SNRPN: variants seen among roughly 807,000 people sequenced by gnomAD.
SNRPN encodes the protein small nuclear ribonucleoprotein-associated protein N.
Under a neutral mutation model 25.2 loss-of-function variants are expected in SNRPN, and 7 were observed. The ratio of observed to expected loss-of-function variants is 0.28; its 90% CI spans 0.16 to 0.52. SNRPN has a LOEUF of 0.52. Ranked by LOEUF, SNRPN falls within the 20% of genes least tolerant of loss-of-function variation. The probability of loss-of-function intolerance (pLI) is 0.96; values close to 1 mark genes in which losing one functional copy is unlikely to be tolerated. For missense variants in SNRPN, 196 were observed against 322.5 expected (o/e 0.61, Z 3.00); for synonymous variants, 124 against 110.6 (o/e 1.12, Z -0.76).
At chr15:24,858,499 C>T (rs1002937583) in intron 1 of SNRPN, among the ~76,000 whole-genome samples, 1 of 151,896 alleles carries the variant, frequency 6.6e-6, no homozygotes, top group South Asian at 2.1e-4. Flanking sequence ...ATTTAGGGCT[C>T]CAAAAAGTAA....
intron 2 of SNRPN, among the ~76,000 whole-genome samples, chr15:24,894,540 C>T (rs1482523869): frequency 6.6e-6 from 1 of 152,104 alleles, no homozygotes; most frequent in African/African-American, 2.4e-5. Flanking sequence ...AAATTCTTGA[C>T]ACAAAATGAC....
At chr15:24,846,099 T>A (rs942003658) in intron 2 of SNRPN, among the ~76,000 whole-genome samples, 3 of 148,404 alleles carry the variant, frequency 2.0e-5, no homozygotes, top group East Asian at 2.0e-4. Context: ...AAAAAAAAAA[T>A]TGATCCTTAA....
At chr15:24,848,228 C>CGGTGGGGGCGGGGGCGGT (rs2052396964) in intron 2 of SNRPN, 1 of 21,442 alleles carries the variant, frequency 4.7e-5, no homozygotes, top group South Asian at 1.1e-3. Context: ...GCGGGGGCGG[C>CGGTGGGGGCGGGGGCGGT]GGTGGGGGCG....
At position 24,962,111 on chromosome 15, in the gene SNRPN, C is replaced by T. The variant is rs2074934399; in HGVS notation, c.-390-3C>T. The T allele has an allele frequency of 6.2e-7, 1 of 1,613,710 alleles. No individual in the cohort carries two copies. The highest frequency in any genetic ancestry group is 1.3e-5 in the African/African-American group (1 of 74,888). On this transcript the variant is annotated splice_region_variant and splice_polypyrimidine_tract_variant and intron_variant, in intron 1 of 9. Coordinates refer to ENST00000390687, the MANE Select transcript of SNRPN (RefSeq NM_003097.6). ...AAACAAATGCCTCTCTTTTCTGTTT[C>T]AGGGATCGCTTACACCTGAGACGAA...
At chr15:24,955,904 G>A (rs1566950246) in intron 1 of SNRPN, among the ~76,000 whole-genome samples, 1 of 151,974 alleles carries the variant, frequency 6.6e-6, no homozygotes, top group African/African-American at 2.4e-5. Flanking sequence ...GTGACTAAGG[G>A]ACGCTGAATG....
At chr15:24,953,410 G>A (rs1052973515), upstream of SNRPN, among the ~76,000 whole-genome samples, 14 of 151,984 alleles carry the variant, frequency 9.2e-5, no homozygotes, top group East Asian at 2.1e-3. Context: ...TGCAACCTCC[G>A]CCTCCCACGT....
chr15:24,925,360 A>C (rs560976701), intron 3 of SNRPN, among the ~76,000 whole-genome samples: 1 of 152,064 alleles, frequency 6.6e-6, no homozygotes, highest in Non-Finnish European at 1.5e-5. Flanking sequence ...ACACTTGTAC[A>C]GCACTTTGGG....
At chr15:24,945,548 C>A (rs541040996) in intron 3 of SNRPN, among the ~76,000 whole-genome samples, 47 of 151,810 alleles carry the variant, frequency 3.1e-4, no homozygotes, top group Admixed American at 2.0e-4. Context: ...AAGGCCCCAT[C>A]TCTTTAAAAA....
chr15:24,951,113 G>A (rs1226078135), upstream of SNRPN, among the ~76,000 whole-genome samples: 1 of 151,962 alleles, frequency 6.6e-6, no homozygotes, highest in Non-Finnish European at 1.5e-5. Context: ...CACCTGTCTC[G>A]GCCTCCCAAA....
intron 1 of SNRPN, 127 bp from the exon 2 acceptor site, chr15:24,961,987 T>C: frequency 1.2e-6 from 1 of 869,278 alleles, no homozygotes; most frequent in Non-Finnish European, 1.9e-6. Flanking sequence ...TTGTAATAAT[T>C]TTACCTTGTT....
chr15:24,866,782 T>C (rs1424126102), intron 1 of SNRPN, among the ~76,000 whole-genome samples: 1 of 152,162 alleles, frequency 6.6e-6, no homozygotes, highest in East Asian at 1.9e-4. Flanking sequence ...AGTAAGATCT[T>C]GAGGTATTTA....
chr15:24,897,356 G>A (rs2058137049), intron 2 of SNRPN, among the ~76,000 whole-genome samples: 1 of 152,208 alleles, frequency 6.6e-6, no homozygotes, highest in Non-Finnish European at 1.5e-5. Context: ...GGAAACCAAG[G>A]TGGGGGGAAT....
chr15:24,886,985 A>G (rs1412509836), intron 2 of SNRPN, among the ~76,000 whole-genome samples: 2 of 152,108 alleles, frequency 1.3e-5, no homozygotes, highest in East Asian at 3.9e-4. Flanking sequence ...AATCAGACAC[A>G]GTCAAACTGG....
intron 1 of SNRPN, among the ~76,000 whole-genome samples, chr15:24,877,774 C>A (rs755922592): frequency 2.6e-5 from 4 of 152,178 alleles, no homozygotes; most frequent in Non-Finnish European, 5.9e-5. Context: ...ATCGCTTGAA[C>A]CCGGGAGGAG....
At chr15:24,834,787 G>A (rs1290130795) in intron 2 of SNRPN, among the ~76,000 whole-genome samples, 11 of 116,170 alleles carry the variant, frequency 9.5e-5, no homozygotes, top group African/African-American at 3.1e-4. Context: ...ATAGCCAGGC[G>A]TGGTGGCAGT....
chr15:24,965,566 T>A (rs1323404329), intron 2 of SNRPN, among the ~76,000 whole-genome samples: 1 of 152,132 alleles, frequency 6.6e-6, no homozygotes, highest in African/African-American at 2.4e-5. Context: ...GTTCACTGAT[T>A]TATTTTAAAT....
At chr15:24,838,744 A>C (rs2051433687) in intron 2 of SNRPN, among the ~76,000 whole-genome samples, 2 of 151,914 alleles carry the variant, frequency 1.3e-5, no homozygotes, top group African/African-American at 2.4e-5. Flanking sequence ...GTCCTATATA[A>C]ACTTGATGTG....
chr15:24,917,946 A>G (rs1025063379), intron 2 of SNRPN, among the ~76,000 whole-genome samples: 2 of 152,226 alleles, frequency 1.3e-5, no homozygotes, highest in Non-Finnish European at 1.5e-5. Flanking sequence ...ATGTAGAACA[A>G]TACAAGAATA....
chr15:24,889,256 T>G (rs1487676769), intron 2 of SNRPN, among the ~76,000 whole-genome samples: 3 of 151,752 alleles, frequency 2.0e-5, no homozygotes, highest in Non-Finnish European at 4.4e-5. Flanking sequence ...AAAATTTGAT[T>G]TATTTTAAAA....
Sources: gnomAD v4.1 joint callset for allele counts (sites outside exome capture counted in the v4.1 genomes callset) on GRCh38, gnomAD v4.1.1 for gene constraint, MANE v1.5 for transcripts, NCBI Gene and HGNC (gene_info 2026-07-23, HGNC 2026-07-21) for gene names.